Variants in ADCY5 observed in about 807,000 individuals in gnomAD.
ADCY5 encodes adenylate cyclase type 5.
ADCY5 carries 30 observed loss-of-function variants against 119.7 expected under a neutral mutation model. That is an observed-to-expected ratio of 0.25 (90% confidence interval 0.19 to 0.34). The LOEUF (loss-of-function observed/expected upper bound fraction) is 0.34, where lower values mean the gene tolerates loss of function less well. Ranked by LOEUF, ADCY5 falls within the 10% of genes least tolerant of loss-of-function variation. The pLI is 1.00. For synonymous variants in ADCY5, 753 were observed against 762.2 expected, an observed-to-expected ratio of 0.99 and a Z score of 0.20; for missense variants, 1,324 against 1,775.2, an observed-to-expected ratio of 0.75 and a Z score of 4.57.
At chr3:123,435,898 T>TATC (rs1454697611) in intron 1 of ADCY5, among the ~76,000 whole-genome samples, 2 of 140,742 alleles carry the variant, frequency 1.4e-5, no homozygotes, top group Non-Finnish European at 3.0e-5. Context: ...TTATTATTAT[T>TATC]ATTATTTTCT....
intron 5 of ADCY5, among the ~76,000 whole-genome samples, chr3:123,329,517 C>T (rs1941660734): frequency 6.6e-6 from 1 of 152,312 alleles, no homozygotes; most frequent in East Asian, 1.9e-4. Context: ...GGAAGCCATA[C>T]ATCTCCAGGT....
intron 1 of ADCY5, among the ~76,000 whole-genome samples, chr3:123,374,238 G>T (rs1306205303): frequency 6.6e-6 from 1 of 152,108 alleles, no homozygotes; most frequent in Non-Finnish European, 1.5e-5. Flanking sequence ...CAGCACAGGT[G>T]GGGCAGTGAA....
chr3:123,406,277 A>C (rs1944898302), intron 1 of ADCY5, among the ~76,000 whole-genome samples: 1 of 152,198 alleles, frequency 6.6e-6, no homozygotes, highest in Non-Finnish European at 1.5e-5. Context: ...GGAAACCACA[A>C]TAAAGGCTCT....
intron 1 of ADCY5, among the ~76,000 whole-genome samples, chr3:123,446,092 G>T (rs1173854931): frequency 6.6e-6 from 1 of 152,122 alleles, no homozygotes; most frequent in East Asian, 1.9e-4. Context: ...GGTAGCAAAG[G>T]CCCAGAGAGC....
chr3:123,396,767 AAGGAAGGAAGGAAGGCAGGCAGGCAGGC>A (rs1305587536), intron 1 of ADCY5, among the ~76,000 whole-genome samples: 5 of 83,736 alleles, frequency 6.0e-5, no homozygotes, highest in African/African-American at 8.9e-5. Flanking sequence ...GGAAGGAAGG[AAGGAAGGAAGGAAGGCAGGCAGGCAGGC>A]AGGCAGGCAG....
chr3:123,402,909 G>A (rs559658110), intron 1 of ADCY5, among the ~76,000 whole-genome samples: 3 of 151,438 alleles, frequency 2.0e-5, no homozygotes, highest in East Asian at 3.9e-4. Flanking sequence ...CTTTTTCGCA[G>A]GGAAGATGTA....
At chr3:123,374,844 T>C (rs1333539391) in intron 1 of ADCY5, among the ~76,000 whole-genome samples, 1 of 152,158 alleles carries the variant, frequency 6.6e-6, no homozygotes, top group East Asian at 1.9e-4. Context: ...CACCCAAGCC[T>C]GGGGAAACTT....
chr3:123,343,541 G>A (rs1011109909), intron 3 of ADCY5, among the ~76,000 whole-genome samples: 4 of 152,194 alleles, frequency 2.6e-5, no homozygotes, highest in African/African-American at 9.7e-5. Flanking sequence ...TGATGCCGAG[G>A]TCTGTTTGCA....
chr3:123,333,545 T>C (rs1941879663), intron 3 of ADCY5, among the ~76,000 whole-genome samples: 1 of 152,356 alleles, frequency 6.6e-6, no homozygotes, highest in Admixed American at 6.5e-5. Flanking sequence ...ACGCTGCCTC[T>C]TTCTGCTGCT....
Position 123,357,242 on chromosome 3 carries a change from T to TA in ADCY5, c.1135-4662dup, listed in dbSNP as rs200981510. On this transcript the variant is annotated intron_variant, in intron 1 of 20. Transcript: ENST00000462833. ...ACTGTATGTAAATTATACCTTAATT[T>TA]AAAAAAAAAAAGGGCAGGAGTCATA... Among the ~76,000 whole-genome samples, 514 of 144,492 alleles carry TA rather than the reference T, an allele frequency of 3.6e-3. 3 individuals are homozygous for TA. Among genetic ancestry groups the TA allele is most frequent in the African/African-American group, 4.2e-3 (165 of 39,410 alleles). The allele number at this position is 144,492 out of a possible 152,430, so 94.8% of individuals were successfully genotyped here.
intron 1 of ADCY5, among the ~76,000 whole-genome samples, chr3:123,425,644 G>A (rs1945390603): frequency 6.6e-6 from 1 of 152,164 alleles, no homozygotes; most frequent in Non-Finnish European, 1.5e-5. Flanking sequence ...TCACAGGGCT[G>A]ACCTCGCCAC....
intron 12 of ADCY5, among the ~76,000 whole-genome samples, 196 bp downstream of exon 12, chr3:123,314,039 C>A (rs1398740076): frequency 6.6e-6 from 1 of 152,194 alleles, no homozygotes; most frequent in Non-Finnish European, 1.5e-5. Context: ...GAACAGGCTC[C>A]CACTGACCAT....
chr3:123,420,490 G>T (rs1231912715), intron 1 of ADCY5, among the ~76,000 whole-genome samples: 1 of 152,200 alleles, frequency 6.6e-6, no homozygotes, highest in African/African-American at 2.4e-5. Flanking sequence ...AGGAAGGTAG[G>T]GTGGGAGGTG....
At position 123,352,260 on chromosome 3, in the gene ADCY5, C is replaced by T. The variant is rs1362808531; in HGVS notation, c.1284+172G>A. Among the ~76,000 whole-genome samples, 1 of 152,144 alleles carries T rather than the reference C, an allele frequency of 6.6e-6. No homozygotes were observed. Among genetic ancestry groups the T allele is most frequent in the Non-Finnish European group, 1.5e-5 (1 of 68,008 alleles). ...TGGGTAGAACTCACTTCCCACAGGG[C>T]CTGGAATGCTGGACTCTCTCCAGGG... On this transcript the variant is annotated intron_variant, in intron 2 of 20. Coordinates refer to ENST00000462833, the MANE Select transcript of ADCY5 (RefSeq NM_183357.3). The surrounding 1 kb of genome is among the most constrained non-coding windows in gnomAD (Gnocchi z 4.8).
chr3:123,326,712 G>C (rs990501884), intron 7 of ADCY5, among the ~76,000 whole-genome samples: 1 of 152,178 alleles, frequency 6.6e-6, no homozygotes, highest in African/African-American at 2.4e-5. Flanking sequence ...GCCTGTGGAG[G>C]GTCTGACACA....
At chr3:123,301,270 G>C (rs1939831918) in intron 14 of ADCY5, among the ~76,000 whole-genome samples, 1 of 152,170 alleles carries the variant, frequency 6.6e-6, no homozygotes, top group African/African-American at 2.4e-5. Context: ...CCTGGGCTGG[G>C]GCAGCCCCTA....
At chr3:123,368,668 C>T (rs890054429) in intron 1 of ADCY5, among the ~76,000 whole-genome samples, 10 of 151,376 alleles carry the variant, frequency 6.6e-5, no homozygotes, top group Admixed American at 2.0e-4. Flanking sequence ...GGGAGGATTG[C>T]TTGAACCCAT....
At chr3:123,443,564 A>C (rs996483543) in intron 1 of ADCY5, among the ~76,000 whole-genome samples, 9 of 152,142 alleles carry the variant, frequency 5.9e-5, no homozygotes, top group Non-Finnish European at 1.5e-5. Flanking sequence ...CGCTACAGAC[A>C]CACGTGCTCA....
intron 6 of ADCY5, 103 bp from the exon 7 acceptor site, chr3:123,327,862 C>G (rs1027407376): frequency 2.2e-6 from 3 of 1,371,344 alleles, no homozygotes; most frequent in Middle Eastern, 1.8e-4. Context: ...CACCACAATT[C>G]AAACCCTAGG....
Sources: gnomAD v4.1 joint callset for allele counts (sites outside exome capture counted in the v4.1 genomes callset) on GRCh38, gnomAD v4.1.1 for gene constraint, Gnocchi (gnomAD v3.1) non-coding constraint, MANE v1.5 for transcripts, NCBI Gene and HGNC (gene_info 2026-07-23, HGNC 2026-07-21) for gene names.